THSD7A: variants seen among roughly 807,000 people sequenced by gnomAD.
THSD7A encodes the protein thrombospondin type 1 domain containing 7A.
Under a neutral mutation model 231.3 loss-of-function variants are expected in THSD7A, and 96 were observed. That is an observed-to-expected ratio of 0.41 (90% CI 0.35 to 0.49). The LOEUF is 0.49. Ranked by LOEUF, THSD7A falls within the 20% of genes least tolerant of loss-of-function variation. The pLI is 0.05. For missense variants in THSD7A, 2,290 were observed against 2,070.2 expected (o/e 1.11, Z -2.06); for synonymous variants, 940 against 743.3 (o/e 1.26, Z -4.30).
chr7:11,611,263 G>C (rs912119635), intron 2 of THSD7A, among the ~76,000 whole-genome samples: 1 of 152,026 alleles, frequency 6.6e-6, no homozygotes, highest in African/African-American at 2.4e-5. Context: ...GAAGAGGGAA[G>C]CAATGTATTA....
rs1784917862 is a variant in THSD7A at position 11,444,909 on chromosome 7, A to G, written c.3064+1152T>C. On this transcript the variant is annotated intron_variant, in intron 13 of 27. Transcript: ENST00000423059. The surrounding 1 kb of genome is among the most constrained non-coding windows in gnomAD (Gnocchi z 4.2). Reference sequence around the variant, plus strand: ...TATATATATATAAAATGCTGTATATATATAATGAAACTATATATGTATATA... The same window carrying G: ...TATATATATATAAAATGCTGTATATGTATAATGAAACTATATATGTATATA... 6.8e-6 allele frequency among the ~76,000 whole-genome samples: 1 copy of G among 147,874 alleles called. No individual in the cohort carries two copies. The highest frequency in any genetic ancestry group is 1.5e-5 in the Non-Finnish European group (1 of 67,184).
chr7:11,449,401 T>C (rs905516163), intron 11 of THSD7A, among the ~76,000 whole-genome samples: 15 of 152,038 alleles, frequency 9.9e-5, no homozygotes, highest in African/African-American at 3.1e-4. Context: ...CAGGTGATCC[T>C]TACGCAGATT....
At chr7:11,519,655 C>G (rs1277741026) in intron 6 of THSD7A, among the ~76,000 whole-genome samples, 4 of 152,124 alleles carry the variant, frequency 2.6e-5, no homozygotes, top group African/African-American at 4.8e-5. Flanking sequence ...GATGAGAATG[C>G]TTAATGTATT....
At chr7:11,413,407 G>T (rs1009335774) in intron 17 of THSD7A, among the ~76,000 whole-genome samples, 1 of 151,496 alleles carries the variant, frequency 6.6e-6, no homozygotes, top group Non-Finnish European at 1.5e-5. Context: ...GCGTTCTTCC[G>T]TAAGGGTTAT....
chr7:11,602,361 T>A (rs993444755), intron 2 of THSD7A, among the ~76,000 whole-genome samples: 3 of 152,064 alleles, frequency 2.0e-5, no homozygotes, highest in Non-Finnish European at 4.4e-5. Flanking sequence ...CCCCAAACCT[T>A]TCAACAAATG....
rs1455218054 is a variant in THSD7A, at chr7:11,521,700, C to A, written c.1822+19719G>T. On this transcript the variant is annotated intron_variant, in intron 6 of 27. Coordinates refer to ENST00000423059, the MANE Select transcript of THSD7A (RefSeq NM_015204.3). Reference sequence around the variant, plus strand: ...CCAATGCTATCCCTCCCCCCTCCCCCGACCCCACCACGAGGATGCATTCAT... The same window carrying A: ...CCAATGCTATCCCTCCCCCCTCCCCAGACCCCACCACGAGGATGCATTCAT... Among the ~76,000 whole-genome samples the A allele has an allele frequency of 1.2e-4, 11 of 94,856 alleles. 3 individuals are homozygous for A. Among genetic ancestry groups the A allele is most frequent in the African/African-American group, 4.4e-4 (9 of 20,318 alleles). The allele number at this position is 94,856 out of a possible 152,430, so 62.2% of individuals were successfully genotyped here.
chr7:11,719,556 C>T (rs1781273530), intron 1 of THSD7A, among the ~76,000 whole-genome samples: 1 of 151,592 alleles, frequency 6.6e-6, no homozygotes, highest in Non-Finnish European at 1.5e-5. Flanking sequence ...ACTTCCATGT[C>T]CACATGCAAC....
At chr7:11,745,103 T>A (rs1782242003) in intron 1 of THSD7A, among the ~76,000 whole-genome samples, 1 of 152,102 alleles carries the variant, frequency 6.6e-6, no homozygotes, top group Admixed American at 6.5e-5. Context: ...CTCCAGCACC[T>A]GTTGTTTCCT....
At chr7:11,619,527 G>C (rs1781233299) in intron 2 of THSD7A, among the ~76,000 whole-genome samples, 1 of 151,422 alleles carries the variant, frequency 6.6e-6, no homozygotes, top group African/African-American at 2.4e-5. Context: ...TCCTGCCAAA[G>C]CCTCTGGAGT....
At chr7:11,447,173 T>A in intron 12 of THSD7A, 57 bp downstream of exon 12, 2 of 1,519,646 alleles carry the variant, frequency 1.3e-6, no homozygotes, top group Non-Finnish European at 1.8e-6. Context: ...CAGTCTGACT[T>A]GTATTATGTT....
At chr7:11,549,422 T>A (rs1583954106) in intron 4 of THSD7A, among the ~76,000 whole-genome samples, 1 of 152,306 alleles carries the variant, frequency 6.6e-6, no homozygotes, top group East Asian at 1.9e-4. Flanking sequence ...ACAATCCCTT[T>A]ACTGGGTATA....
chr7:11,557,281 C>T (rs1438218998), intron 4 of THSD7A, among the ~76,000 whole-genome samples: 1 of 152,036 alleles, frequency 6.6e-6, no homozygotes, highest in Non-Finnish European at 1.5e-5. Flanking sequence ...GTTTTTATAT[C>T]TGTTATTGCA....
intron 16 of THSD7A, among the ~76,000 whole-genome samples, chr7:11,422,241 A>C (rs960771770): frequency 1.3e-5 from 2 of 152,184 alleles, no homozygotes; most frequent in African/African-American, 4.8e-5. Flanking sequence ...ATCCTTCCCT[A>C]CCAAGGTAAA....
Position 11,735,866 on chromosome 7 carries a change from T to C in THSD7A, c.190+95891A>G, listed in dbSNP as rs183352126. Among the ~76,000 whole-genome samples the C allele has an allele frequency of 1.4e-3, 208 of 152,060 alleles. 2 individuals are homozygous for C. The highest frequency in any genetic ancestry group is 2.3e-3 in the South Asian group (11 of 4,818). Reference sequence around the variant, plus strand: ...ACTTAGTAGACATGGAAAATTGACATACACATGAAAATATTCTTCATTATG... The same window carrying C: ...ACTTAGTAGACATGGAAAATTGACACACACATGAAAATATTCTTCATTATG... On this transcript the variant is annotated intron_variant, in intron 1 of 27. Coordinates refer to ENST00000423059, the MANE Select transcript of THSD7A (RefSeq NM_015204.3).
At chr7:11,736,095 C>G (rs969492544) in intron 1 of THSD7A, among the ~76,000 whole-genome samples, 1 of 151,430 alleles carries the variant, frequency 6.6e-6, no homozygotes, top group African/African-American at 2.4e-5. Flanking sequence ...ATATTAATAT[C>G]AAGGCAAAGA....
rs1398722393 is a variant in THSD7A, at chr7:11,778,097, C to T, written c.190+53660G>A. Reference sequence around the variant, plus strand: ...GCGTGAACCCGGGAGGCGGAGCTTGCAGTGAGCCGAGATCCCGCCACTGCA... The same window carrying T: ...GCGTGAACCCGGGAGGCGGAGCTTGTAGTGAGCCGAGATCCCGCCACTGCA... On this transcript the variant is annotated intron_variant, in intron 1 of 27. Transcript: ENST00000423059. Among the ~76,000 whole-genome samples the T allele has an allele frequency of 9.2e-5, 12 of 130,026 alleles. No homozygotes were observed. The South Asian group carries it at 3.0e-3, about 33-fold the overall frequency. The allele number at this position is 130,026 out of a possible 152,430, so 85.3% of individuals were successfully genotyped here.
chr7:11,722,969 A>G (rs923137581), intron 1 of THSD7A, among the ~76,000 whole-genome samples: 27 of 152,088 alleles, frequency 1.8e-4, no homozygotes, highest in African/African-American at 6.5e-4. Flanking sequence ...CAGCCATCCC[A>G]TTACTGGGTA....
intron 4 of THSD7A, among the ~76,000 whole-genome samples, chr7:11,546,148 T>A (rs1471358420): frequency 7.0e-6 from 1 of 143,796 alleles, no homozygotes; most frequent in African/African-American, 2.6e-5. Context: ...CCCCAACCAT[T>A]GTGCCAGGGC....
At position 11,373,419 on chromosome 7, in the gene THSD7A, T is replaced by A. The variant is rs952298087; in HGVS notation, c.*2375A>T. 7.2e-5 allele frequency: 11 copies of A among 151,998 alleles called. No homozygotes were observed. The highest frequency in any genetic ancestry group is 2.7e-4 in the African/African-American group (11 of 41,420). 9.4% of individuals were successfully genotyped at this position (151,998 alleles called of 1,614,324 possible). Reference sequence around the variant, plus strand: ...TAGGATTATCTGGAAGACCCCTGATTATATATATTGACAATCACAGTTTTA... The same window carrying A: ...TAGGATTATCTGGAAGACCCCTGATAATATATATTGACAATCACAGTTTTA... On this transcript the variant is annotated 3_prime_UTR_variant, in exon 28 of 28. Coordinates refer to ENST00000423059, the MANE Select transcript of THSD7A (RefSeq NM_015204.3).
Sources: gnomAD v4.1 joint callset for allele counts (sites outside exome capture counted in the v4.1 genomes callset) on GRCh38, gnomAD v4.1.1 for gene constraint, Gnocchi (gnomAD v3.1) non-coding constraint, MANE v1.5 for transcripts, NCBI Gene and HGNC (gene_info 2026-07-23, HGNC 2026-07-21) for gene names.